Variants in SORCS2 observed in about 807,000 individuals in gnomAD.
The protein encoded by SORCS2 is VPS10 domain-containing receptor SorCS2.
A neutral mutation model predicts 141.6 loss-of-function variants in SORCS2; 100 were observed. That is an observed-to-expected ratio of 0.71 (90% confidence interval 0.60 to 0.83). The LOEUF (loss-of-function observed/expected upper bound fraction) is 0.83. Ranked by LOEUF, SORCS2 falls within the 40% of genes least tolerant of loss-of-function variation. The pLI, the probability that SORCS2 is intolerant of heterozygous loss-of-function variation, is 0.00. For synonymous variants in SORCS2, 789 were observed against 676.9 expected (o/e 1.17, Z -2.57); for missense variants, 1,646 against 1,560.2 (o/e 1.05, Z -0.93).
At chr4:7,485,272 C>T (rs540487705) in intron 2 of SORCS2, among the ~76,000 whole-genome samples, 1 of 152,252 alleles carries the variant, frequency 6.6e-6, no homozygotes, top group East Asian at 1.9e-4. Flanking sequence ...AGCTGTGTCT[C>T]AGTCACTCAG....
At chr4:7,510,232 C>T (rs1004637138) in intron 2 of SORCS2, among the ~76,000 whole-genome samples, 1 of 152,206 alleles carries the variant, frequency 6.6e-6, no homozygotes, top group African/African-American at 2.4e-5. Context: ...GAGCGGCCGG[C>T]GGGGCTGAGG....
intron 3 of SORCS2, among the ~76,000 whole-genome samples, chr4:7,550,020 A>G (rs2109627384): frequency 6.6e-6 from 1 of 151,816 alleles, no homozygotes; most frequent in Non-Finnish European, 1.5e-5. Context: ...CCACAGGCGG[A>G]TGAACAGAGC....
At chr4:7,701,417 G>A (rs1725074681) in intron 12 of SORCS2, among the ~76,000 whole-genome samples, 1 of 152,174 alleles carries the variant, frequency 6.6e-6, no homozygotes, top group African/African-American at 2.4e-5. Context: ...GCAGCCGACT[G>A]TGATAACCAG....
chr4:7,631,854 G>A (rs1719919534), intron 3 of SORCS2, among the ~76,000 whole-genome samples: 1 of 151,904 alleles, frequency 6.6e-6, no homozygotes, highest in Non-Finnish European at 1.5e-5. Context: ...CAGACTTCTG[G>A]AAGCCATTTC....
Position 7,728,410 on chromosome 4 carries a change from C to T in SORCS2, c.2930C>T (p.Thr977Ile), listed in dbSNP as rs200183228. The change falls in exon 22 of 27, where the codon ACC (threonine) becomes ATC (isoleucine). Residue 977 changes from threonine (T) to isoleucine (I), a missense_variant. Thr to Ile is a moderately conservative substitution (Grantham distance 89, BLOSUM62 -1). Transcript: ENST00000507866. The part of the protein sequence containing the change: ...SKELDAYNPN[T>I]PEWREDVGLV... ...GAGCTGGATGCCTACAACCCCAACACCCCTGAGTGGAGGGAAGACGTGGGC... is the reference window on the plus strand; with the variant it reads ...GAGCTGGATGCCTACAACCCCAACATCCCTGAGTGGAGGGAAGACGTGGGC... 1.2e-6 allele frequency: 2 copies of T among 1,613,696 alleles called. No individual in the cohort carries two copies. The highest frequency in any genetic ancestry group is 3.3e-5 in the Admixed American group (2 of 59,994).
intron 26 of SORCS2, among the ~76,000 whole-genome samples, chr4:7,737,778 G>A (rs935722495): frequency 2.0e-5 from 3 of 152,222 alleles, no homozygotes; most frequent in Admixed American, 6.5e-5. Flanking sequence ...GTGTCTGGGA[G>A]CTGACTGGGC....
At chr4:7,271,153 T>A (rs1381727278) in intron 1 of SORCS2, among the ~76,000 whole-genome samples, 1 of 152,232 alleles carries the variant, frequency 6.6e-6, no homozygotes, top group Non-Finnish European at 1.5e-5. Context: ...CCCACCCTGC[T>A]GCTTCTATCT....
chr4:7,624,626 T>C (rs1577857741), intron 3 of SORCS2, among the ~76,000 whole-genome samples: 1 of 152,210 alleles, frequency 6.6e-6, no homozygotes, highest in African/African-American at 2.4e-5. Flanking sequence ...TGAGATACAT[T>C]CCCTTGCCTT....
chr4:7,548,506 G>A (rs74920310), intron 3 of SORCS2, among the ~76,000 whole-genome samples: 7,127 of 152,268 alleles, frequency 0.047, 209 homozygotes, highest in South Asian at 0.096. Context: ...AGGGGGGTTG[G>A]TGGCATACAA....
intron 4 of SORCS2, among the ~76,000 whole-genome samples, chr4:7,639,695 C>CAG (rs546663074): frequency 0.018 from 2,430 of 133,586 alleles, 39 homozygotes; most frequent in African/African-American, 0.037. Flanking sequence ...GTGTGGGTGT[C>CAG]TGTGTGTGAA....
At chr4:7,278,152 C>A (rs1715631822) in intron 1 of SORCS2, among the ~76,000 whole-genome samples, 1 of 152,208 alleles carries the variant, frequency 6.6e-6, no homozygotes, top group Admixed American at 6.5e-5. Flanking sequence ...CAGCCCCACG[C>A]TGCACCCTGG....
chr4:7,269,314 C>T (rs550257998), intron 1 of SORCS2, among the ~76,000 whole-genome samples: 3 of 152,312 alleles, frequency 2.0e-5, no homozygotes, highest in South Asian at 4.1e-4. Context: ...TGCCGTTGTG[C>T]AGGGCCGCCA....
intron 7 of SORCS2, 59 bp from the exon 8 acceptor site, chr4:7,667,065 G>C: frequency 6.9e-7 from 1 of 1,440,996 alleles, no homozygotes; most frequent in Non-Finnish European, 9.7e-7. Context: ...TTTCATTCAT[G>C]AGACTGTGGC....
chr4:7,285,794 A>G (rs1047686696), intron 1 of SORCS2, among the ~76,000 whole-genome samples: 2 of 152,222 alleles, frequency 1.3e-5, no homozygotes, highest in African/African-American at 4.8e-5. Flanking sequence ...TGGGCTGCTA[A>G]GTCCGAGGGT....
In SORCS2 at chr4:7,485,991, C is replaced by T. The variant is rs573351464; in HGVS notation, c.549-45539C>T. Among the ~76,000 whole-genome samples the T allele has an allele frequency of 2.4e-4, 36 of 152,334 alleles. 2 individuals are homozygous for T. The South Asian group carries it at 7.0e-3, about 30-fold the overall frequency. On this transcript the variant is annotated intron_variant, in intron 2 of 26. Transcript: ENST00000507866. ...CCCCATGCCTGCATCCTGGCACCCT[C>T]ACTGTGGTGGCCTGTTAGCTTGAGC...
Position 7,682,854 on chromosome 4 carries a change from A to G in SORCS2, c.1453A>G (p.Met485Val). The G allele has an allele frequency of 1.9e-6, 3 of 1,613,522 alleles. No homozygotes were observed. The highest frequency in any genetic ancestry group is 1.3e-5 in the African/African-American group (1 of 75,042). ...CTGGGATTACCTGAGGCCACCCAGCATGGACATGAATGGAAAACCAACCAA... is the reference window on the plus strand; with the variant it reads ...CTGGGATTACCTGAGGCCACCCAGCGTGGACATGAATGGAAAACCAACCAA... Reference protein sequence around the residue: ...RDWDYLRPPSMDMNGKPTNCK... With the variant: ...RDWDYLRPPSVDMNGKPTNCK... Residue 485 changes from methionine to valine, a missense_variant, in exon 10 of 27, where the codon ATG becomes GTG. Physicochemically the swap from Met to Val is conservative, Grantham distance 21. Coordinates refer to ENST00000507866, the MANE Select transcript of SORCS2 (RefSeq NM_020777.3).
intron 3 of SORCS2, among the ~76,000 whole-genome samples, chr4:7,538,978 A>G (rs1329195284): frequency 2.6e-5 from 4 of 152,202 alleles, no homozygotes; most frequent in African/African-American, 9.7e-5. Context: ...CCTGTTCTCT[A>G]ATCTCTACAG....
intron 2 of SORCS2, among the ~76,000 whole-genome samples, chr4:7,458,263 TG>T (rs1295275127): frequency 6.6e-6 from 1 of 151,908 alleles, no homozygotes; most frequent in Non-Finnish European, 1.5e-5. Flanking sequence ...GGCTGTAGGT[TG>T]GAGGCAGGGA....
chr4:7,561,844 C>T (rs907767599), intron 3 of SORCS2, among the ~76,000 whole-genome samples: 2 of 152,172 alleles, frequency 1.3e-5, no homozygotes, highest in Non-Finnish European at 2.9e-5. Flanking sequence ...TCCTTCCATC[C>T]ATCCATCTAC....
Sources: allele counts gnomAD v4.1 joint callset (sites outside exome capture counted in the v4.1 genomes callset), GRCh38; gene constraint gnomAD v4.1.1; transcripts MANE v1.5; gene names NCBI Gene and HGNC (gene_info 2026-07-23, HGNC 2026-07-21).